The following GPRC5B variants were observed in gnomAD, a reference collection of about 807,000 sequenced individuals.
GPRC5B encodes the protein G protein-coupled receptor family C group 5 member B.
GPRC5B carries 16 observed loss-of-function variants against 30.1 expected under a neutral mutation model. The ratio of observed to expected loss-of-function variants is 0.53; its 90% CI spans 0.36 to 0.81. The LOEUF is 0.81. GPRC5B is among the 30% of genes least tolerant of loss of function. The pLI, the probability that GPRC5B is intolerant of heterozygous loss-of-function variation, is 0.01. For synonymous variants in GPRC5B, 241 were observed against 239.5 expected (o/e 1.01, Z -0.06); for missense variants, 428 against 544.7 (o/e 0.79, Z 2.13).
chr16:19,872,862 G>T lies in GPRC5B; in HGVS notation c.-1-16C>A. 6.3e-7 allele frequency: 1 copy of T among 1,591,850 alleles called. No individual in the cohort carries two copies. Reference sequence around the variant, plus strand: ...CACGAACATTCTAGAAAAGCCAAGAGGGGAATGGTTGGGGGGAAGGAAAGA... The same window carrying T: ...CACGAACATTCTAGAAAAGCCAAGATGGGAATGGTTGGGGGGAAGGAAAGA... On this transcript the variant is annotated splice_polypyrimidine_tract_variant and intron_variant, in intron 1 of 3. Transcript: ENST00000300571. This position sits in a 1 kb window ranked among gnomAD's most constrained non-coding sequence, Gnocchi z 5.0.
rs561420251 is a variant in GPRC5B, at chr16:19,876,425, C to T, written c.-1-3579G>A. Among the ~76,000 whole-genome samples, 26 of 152,294 alleles carry T rather than the reference C, an allele frequency of 1.7e-4. No homozygotes were observed. The South Asian group carries it at 5.0e-3, about 29-fold the overall frequency. Reference sequence around the variant, plus strand: ...TGGTTTAGGCACGTAAAGAGAGAATCGATGGGGAAGATGCCACAAAACCAG... The same window carrying T: ...TGGTTTAGGCACGTAAAGAGAGAATTGATGGGGAAGATGCCACAAAACCAG... On this transcript the variant is annotated intron_variant, in intron 1 of 3. Coordinates refer to ENST00000300571, the MANE Select transcript of GPRC5B (RefSeq NM_016235.3).
intron 2 of GPRC5B, among the ~76,000 whole-genome samples, chr16:19,865,629 A>T (rs1282306357): frequency 6.6e-6 from 1 of 152,122 alleles, no homozygotes; most frequent in Non-Finnish European, 1.5e-5. Flanking sequence ...ATTTAGAAAA[A>T]TTTTTTTGCA....
intron 1 of GPRC5B, among the ~76,000 whole-genome samples, chr16:19,879,258 G>A (rs1597634759): frequency 1.3e-5 from 2 of 152,278 alleles, no homozygotes; most frequent in South Asian, 4.1e-4. Flanking sequence ...CAACAAACCC[G>A]TGGGATGCAG....
chr16:19,864,675 G>A (rs1004714164), intron 2 of GPRC5B, among the ~76,000 whole-genome samples: 1 of 152,352 alleles, frequency 6.6e-6, no homozygotes, highest in Non-Finnish European at 1.5e-5. Flanking sequence ...CATAGCTCCT[G>A]GGCACCGGCG....
chr16:19,885,309 A>G, upstream of GPRC5B: 1 of 1,252,272 alleles, frequency 8.0e-7, no homozygotes, highest in Non-Finnish European at 1.0e-6. This position sits in a 1 kb window ranked among gnomAD's most constrained non-coding sequence, Gnocchi z 5.3. Flanking sequence ...ACACACCAGC[A>G]CCAGGTCCAG....
Position 19,872,470 on chromosome 16 carries a change from G to A in GPRC5B, c.376C>T (p.Arg126Cys), listed in dbSNP as rs760599079. Residue 126 changes from arginine (R) to cysteine (C), a missense_variant, in exon 2 of 4, where the codon CGC (arginine) becomes TGC (cysteine). Coordinates refer to ENST00000300571, the MANE Select transcript of GPRC5B (RefSeq NM_016235.3). This position sits in a 1 kb window ranked among gnomAD's most constrained non-coding sequence, Gnocchi z 5.0. ...QEDETICSVR[R>C]FLWGVLFALC... ...GCAAAGAGGACGCCCCAGAGGAAGCGGCGGACAGAGCAGATGGTCTCGTCC... is the reference window on the plus strand; with the variant it reads ...GCAAAGAGGACGCCCCAGAGGAAGCAGCGGACAGAGCAGATGGTCTCGTCC... 8 of 1,613,934 alleles carry A rather than the reference G, an allele frequency of 5.0e-6. No individual in the cohort carries two copies. The highest frequency in any genetic ancestry group is 1.6e-4 in the Middle Eastern group (1 of 6,062).
intron 2 of GPRC5B, among the ~76,000 whole-genome samples, chr16:19,866,821 G>A (rs972744776): frequency 6.6e-6 from 1 of 152,128 alleles, no homozygotes; most frequent in Non-Finnish European, 1.5e-5. Flanking sequence ...CCTTGGCTTC[G>A]GAATGTGTCA....
At chr16:19,868,962 A>G (rs1289702369) in intron 2 of GPRC5B, among the ~76,000 whole-genome samples, 1 of 152,226 alleles carries the variant, frequency 6.6e-6, no homozygotes, top group African/African-American at 2.4e-5. Flanking sequence ...TTATTCACCC[A>G]TAAGATGGGG....
chr16:19,858,655 C>G lies in GPRC5B; in HGVS notation c.*1845G>C, dbSNP rs2056594446. 6 of 519,826 alleles carry G rather than the reference C, an allele frequency of 1.2e-5. No homozygotes were observed. Among genetic ancestry groups the G allele is most frequent in the Non-Finnish European group, 2.1e-5 (6 of 290,232 alleles). 32.2% of individuals were successfully genotyped at this position (519,826 alleles called of 1,614,324 possible). A position where few individuals can be genotyped will look rare whatever the true frequency, so the allele number is the denominator to read the frequency against. On this transcript the variant is annotated 3_prime_UTR_variant, in exon 4 of 4. Coordinates refer to ENST00000300571, the MANE Select transcript of GPRC5B (RefSeq NM_016235.3). ...GTCCGCATGCAACCGCCCCCACCCC[C>G]ACCCCAGGTCCTAGCTTCATTCCCT...
chr16:19,882,958 A>G (rs1312358811), intron 1 of GPRC5B, among the ~76,000 whole-genome samples: 2 of 152,074 alleles, frequency 1.3e-5, no homozygotes, highest in African/African-American at 4.8e-5. Flanking sequence ...CCCCTCTTCT[A>G]GCTGGGCTCC....
chr16:19,861,810 AC>A, intron 3 of GPRC5B, 26 bp downstream of exon 3: 1 of 1,604,838 alleles, frequency 6.2e-7, no homozygotes, highest in Non-Finnish European at 8.5e-7. Flanking sequence ...TAGGCTTCCT[AC>A]CCCCACATCA....
chr16:19,874,453 T>A (rs1268827521), intron 1 of GPRC5B, among the ~76,000 whole-genome samples: 1 of 152,170 alleles, frequency 6.6e-6, no homozygotes, highest in African/African-American at 2.4e-5. Flanking sequence ...CTGCCTTCCC[T>A]TCCTCCTGTC....
At chr16:19,884,205 A>G (rs1348511263) in intron 1 of GPRC5B, among the ~76,000 whole-genome samples, 1 of 144,466 alleles carries the variant, frequency 6.9e-6, no homozygotes, top group Non-Finnish European at 1.5e-5. Context: ...TTGCTGAGTA[A>G]TGCGCACTCA....
At position 19,856,787 on chromosome 16, in the gene GPRC5B, TAC is replaced by T; in HGVS notation, c.*3711_*3712del. Reference sequence around the variant, plus strand: ...CCACATTTTATTCATTCATCCAGATTACTTCTTCAGTGCCTCAGGAGTATTCT... The same window carrying T: ...CCACATTTTATTCATTCATCCAGATTTTCTTCAGTGCCTCAGGAGTATTCT... On this transcript the variant is annotated 3_prime_UTR_variant, in exon 4 of 4. Coordinates refer to ENST00000300571, the MANE Select transcript of GPRC5B (RefSeq NM_016235.3). 2.0e-6 allele frequency: 1 copy of T among 502,002 alleles called. No individual in the cohort carries two copies. The highest frequency in any genetic ancestry group is 3.5e-6 in the Non-Finnish European group (1 of 283,006). 31.1% of individuals were successfully genotyped at this position (502,002 alleles called of 1,614,324 possible).
chr16:19,860,483 C>G lies in GPRC5B; in HGVS notation c.*17G>C, dbSNP rs777261121. ...AATCGGTAAGAGAAATTCTGATTCT[C>G]TGGAACTTAAAGTCTTTCACCAAAG... On this transcript the variant is annotated 3_prime_UTR_variant, in exon 4 of 4. Coordinates refer to ENST00000300571, the MANE Select transcript of GPRC5B (RefSeq NM_016235.3). 2 of 1,539,658 alleles carry G rather than the reference C, an allele frequency of 1.3e-6. No individual in the cohort carries two copies. The highest frequency in any genetic ancestry group is 1.8e-6 in the Non-Finnish European group (2 of 1,112,664).
chr16:19,863,970 C>T (rs759974402), intron 2 of GPRC5B, among the ~76,000 whole-genome samples: 5 of 152,150 alleles, frequency 3.3e-5, no homozygotes, highest in Middle Eastern at 3.4e-3. Context: ...AAAGATTGTC[C>T]GTGGTGCCAA....
Position 19,872,672 on chromosome 16 carries a change from C to T in GPRC5B, c.174G>A (p.Val58=), listed in dbSNP as rs754702138. The change falls in exon 2 of 4, where the codon GTG becomes GTA. Residue 58 remains valine (V), a synonymous_variant. Transcript: ENST00000300571. This position sits in a 1 kb window ranked among gnomAD's most constrained non-coding sequence, Gnocchi z 5.0. ...LCDLDAIWGI[V]VEAVAGAGAL... is the part of the protein sequence containing the mutation. ...CGCCCGCCCCGGCCACCGCCTCCACCACAATGCCCCAGATGGCGTCCAGGT... is the reference window on the plus strand; with the variant it reads ...CGCCCGCCCCGGCCACCGCCTCCACTACAATGCCCCAGATGGCGTCCAGGT... 1.2e-6 allele frequency: 2 copies of T among 1,614,182 alleles called. No individual in the cohort carries two copies. Among genetic ancestry groups the T allele is most frequent in the Non-Finnish European group, 1.7e-6 (2 of 1,180,044 alleles).
Position 19,860,044 on chromosome 16 carries a change from C to T in GPRC5B, c.*456G>A, listed in dbSNP as rs531047337. 5.5e-5 allele frequency: 9 copies of T among 163,004 alleles called. No individual in the cohort carries two copies. In the South Asian group the frequency reaches 7.2e-4, roughly 13 times the overall value. The allele number at this position is 163,004 out of a possible 1,614,324, so 10.1% of individuals were successfully genotyped here. A position where few individuals can be genotyped will look rare whatever the true frequency, so the allele number is the denominator to read the frequency against. ...TGGCAAAGTCCCCATTTGTCCTCAA[C>T]GCAACGGTCATCTCCAAGAGGCTAC... On this transcript the variant is annotated 3_prime_UTR_variant, in exon 4 of 4. Transcript: ENST00000300571.
chr16:19,880,731 A>G (rs2056800911), intron 1 of GPRC5B, among the ~76,000 whole-genome samples: 2 of 152,220 alleles, frequency 1.3e-5, no homozygotes, highest in Non-Finnish European at 2.9e-5. Flanking sequence ...AGTCAGACCC[A>G]GGACACCCAG....
Sources: allele counts gnomAD v4.1 joint callset (sites outside exome capture counted in the v4.1 genomes callset), GRCh38; gene constraint gnomAD v4.1.1; non-coding constraint Gnocchi (gnomAD v3.1); transcripts MANE v1.5; gene names NCBI Gene and HGNC (gene_info 2026-07-23, HGNC 2026-07-21).